DSCAML1: variants seen among roughly 807,000 people sequenced by gnomAD.
DSCAML1 encodes cell adhesion molecule DSCAML1.
In DSCAML1, 38 loss-of-function variants were observed where a neutral mutation model predicts 200.5. The ratio of observed to expected loss-of-function variants is 0.19; its 90% confidence interval spans 0.15 to 0.25. The LOEUF (loss-of-function observed/expected upper bound fraction) is 0.25. Ranked by LOEUF, DSCAML1 falls within the 10% of genes least tolerant of loss-of-function variation. The probability of loss-of-function intolerance (pLI) is 1.00; values close to 1 mark genes in which losing one functional copy is unlikely to be tolerated. For missense variants in DSCAML1, 2,223 were observed against 2,858.8 expected (o/e 0.78, Z 5.07); for synonymous variants, 1,215 against 1,165.0 (o/e 1.04, Z -0.87).
intron 19 of DSCAML1, among the ~76,000 whole-genome samples, chr11:117,453,085 C>T (rs904320435): frequency 5.3e-5 from 8 of 152,132 alleles, no homozygotes; most frequent in African/African-American, 1.7e-4. Flanking sequence ...TGGGCGCCCA[C>T]CATGATGCCA....
chr11:117,430,911 C>T lies in DSCAML1; in HGVS notation c.5497G>A (p.Glu1833Lys), dbSNP rs1208211363. 34 of 1,613,958 alleles carry T rather than the reference C, an allele frequency of 2.1e-5. No individual in the cohort carries two copies. Among genetic ancestry groups the T allele is most frequent in the Non-Finnish European group, 2.3e-5 (27 of 1,180,032 alleles). ...GAGGAACTGTCAGAGATGAAGCACT[C>T]GGTGATCTCAAACTTGGCGTGCTGC... is the stretch of plus-strand genomic sequence containing the variant. ...QLQHAKFEITECFISDSSSDQ... is the reference protein window; with the variant it reads ...QLQHAKFEITKCFISDSSSDQ... The change falls in exon 32 of 33, where the codon GAG becomes AAG. Residue 1833 changes from glutamate to lysine, a missense_variant. Transcript: ENST00000651296.
At chr11:117,802,988 AAT>A (rs1297875218) in intron 1 of DSCAML1, among the ~76,000 whole-genome samples, 2 of 151,888 alleles carry the variant, frequency 1.3e-5, no homozygotes, top group Non-Finnish European at 2.9e-5. Context: ...ACTGTAGAAT[AAT>A]AGAGTTTAAC....
intron 11 of DSCAML1, among the ~76,000 whole-genome samples, chr11:117,492,735 G>T (rs1232392684): frequency 6.6e-6 from 1 of 152,148 alleles, no homozygotes; most frequent in Non-Finnish European, 1.5e-5. Context: ...GGGCGGGTGG[G>T]AGCAGCGCTT....
chr11:117,796,082 C>A (rs1405539044), intron 1 of DSCAML1, among the ~76,000 whole-genome samples: 2 of 152,266 alleles, frequency 1.3e-5, no homozygotes, highest in African/African-American at 2.4e-5. Flanking sequence ...GGAACCCAGA[C>A]TACCTGCGCC....
chr11:117,450,482 G>A (rs1206092799), intron 20 of DSCAML1, 67 bp downstream of exon 20: 56 of 1,561,642 alleles, frequency 3.6e-5, no homozygotes, highest in East Asian at 1.1e-4. Context: ...CCTGGAAGCC[G>A]GCTGATGTAC....
chr11:117,787,796 G>A (rs1056871969), intron 1 of DSCAML1, among the ~76,000 whole-genome samples: 5 of 152,202 alleles, frequency 3.3e-5, no homozygotes, highest in Non-Finnish European at 5.9e-5. Flanking sequence ...CAGGCCTTAC[G>A]CAGAGTTCTT....
intron 3 of DSCAML1, among the ~76,000 whole-genome samples, chr11:117,706,062 C>A (rs1242475943): frequency 6.6e-6 from 1 of 152,078 alleles, no homozygotes; most frequent in Non-Finnish European, 1.5e-5. Context: ...GTGGCTTGGC[C>A]TAATGAGCTT....
intron 3 of DSCAML1, among the ~76,000 whole-genome samples, chr11:117,647,118 G>A (rs1376199215): frequency 2.0e-5 from 3 of 152,154 alleles, no homozygotes; most frequent in Admixed American, 6.5e-5. Flanking sequence ...CCTTTCCTAC[G>A]CCTACTCCTG....
intron 11 of DSCAML1, among the ~76,000 whole-genome samples, chr11:117,483,092 C>T (rs2048962898): frequency 6.6e-6 from 1 of 152,236 alleles, no homozygotes. Context: ...CTGTCAATCA[C>T]CGGCCCCTCC....
chr11:117,511,385 T>G (rs2049614742), intron 8 of DSCAML1, among the ~76,000 whole-genome samples: 1 of 152,164 alleles, frequency 6.6e-6, no homozygotes, highest in Non-Finnish European at 1.5e-5. Flanking sequence ...ACGGAGCCAA[T>G]GCAAAGGGGC....
intron 3 of DSCAML1, among the ~76,000 whole-genome samples, chr11:117,740,955 A>G (rs2054411774): frequency 6.6e-6 from 1 of 152,238 alleles, no homozygotes. Context: ...ATCAGATCCA[A>G]ATGCAGATGT....
At chr11:117,583,998 G>A (rs991154376) in intron 3 of DSCAML1, among the ~76,000 whole-genome samples, 3 of 152,218 alleles carry the variant, frequency 2.0e-5, no homozygotes, top group Non-Finnish European at 4.4e-5. Flanking sequence ...ACGGCCTGCA[G>A]GGGGTCATCT....
chr11:117,570,776 C>A (rs2050835846), intron 3 of DSCAML1, among the ~76,000 whole-genome samples: 1 of 152,228 alleles, frequency 6.6e-6, no homozygotes, highest in Admixed American at 6.5e-5. Context: ...CACTCAGGGG[C>A]CACTGAGGGT....
intron 5 of DSCAML1, among the ~76,000 whole-genome samples, chr11:117,523,645 C>T (rs938391310): frequency 7.9e-5 from 12 of 152,342 alleles, no homozygotes; most frequent in South Asian, 2.1e-4. Flanking sequence ...CAGCCCTTAT[C>T]TGGGCTGTGG....
intron 11 of DSCAML1, among the ~76,000 whole-genome samples, chr11:117,501,166 A>G (rs12276851): frequency 2.8e-4 from 43 of 152,148 alleles, no homozygotes; most frequent in African/African-American, 1.0e-3. Flanking sequence ...GAGAATTGCT[A>G]TCAGGTTGAG....
At chr11:117,666,256 G>A in intron 3 of DSCAML1, among the ~76,000 whole-genome samples, 1 of 152,104 alleles carries the variant, frequency 6.6e-6, no homozygotes, top group East Asian at 1.9e-4. Context: ...CTGTAAATTG[G>A]GAGTGTTAAT....
rs141321712 is a variant in DSCAML1 at position 117,694,739 on chromosome 11, A to T, written c.511+82052T>A. Among the ~76,000 whole-genome samples the T allele has an allele frequency of 2.0e-3, 307 of 152,352 alleles. 1 individual carries two copies. Among genetic ancestry groups the T allele is most frequent in the African/African-American group, 7.1e-3 (294 of 41,590 alleles). The stretch of plus-strand genomic sequence containing the variant: ...AGATGAGAACCCAGGGGAAGGAGCC[A>T]TCCTGGTTGGGGGTTAAGGAAAGCA... On this transcript the variant is annotated intron_variant, in intron 3 of 32. Transcript: ENST00000651296.
At chr11:117,779,830 A>G (rs2055199571) in intron 2 of DSCAML1, among the ~76,000 whole-genome samples, 2 of 152,172 alleles carry the variant, frequency 1.3e-5, no homozygotes, top group African/African-American at 4.8e-5. Flanking sequence ...TCTCAATCTC[A>G]GTGTTAGTTG....
At position 117,505,879 on chromosome 11, in the gene DSCAML1, C is replaced by A; in HGVS notation, c.1784-147G>T. The A allele has an allele frequency of 2.0e-6, 2 of 980,466 alleles. No individual in the cohort carries two copies. The highest frequency in any genetic ancestry group is 1.5e-6 in the Non-Finnish European group (1 of 680,378). 60.7% of individuals were successfully genotyped at this position (980,466 alleles called of 1,614,324 possible). On this transcript the variant is annotated intron_variant, in intron 8 of 32. Transcript: ENST00000651296. The surrounding 1 kb of genome is among the most constrained non-coding windows in gnomAD (Gnocchi z 6.7). ...CTGCAGCCTTGTTCTCCTATGCATG[C>A]AGGGTCTCCTAATGATGCCTGGCTC...
Sources: allele counts gnomAD v4.1 joint callset (sites outside exome capture counted in the v4.1 genomes callset), GRCh38; gene constraint gnomAD v4.1.1; non-coding constraint Gnocchi (gnomAD v3.1); transcripts MANE v1.5; gene names NCBI Gene and HGNC (gene_info 2026-07-23, HGNC 2026-07-21).